CCDC63: variants seen among roughly 807,000 people sequenced by gnomAD.
CCDC63 encodes the protein coiled-coil domain-containing protein 63.
In CCDC63, 54 loss-of-function variants were observed where a neutral mutation model predicts 63.6. The observed-to-expected ratio is 0.85, with a 90% CI of 0.68 to 1.07. The LOEUF is 1.07. CCDC63 is among the 50% of genes least tolerant of loss of function. CCDC63 has a pLI of 0.00. For synonymous variants in CCDC63, 253 were observed against 266.1 expected, an observed-to-expected ratio of 0.95 and a Z score of 0.48; for missense variants, 637 against 689.6, an observed-to-expected ratio of 0.92 and a Z score of 0.86.
chr12:110,886,811 C>G (rs989936927), intron 8 of CCDC63, among the ~76,000 whole-genome samples: 17 of 152,104 alleles, frequency 1.1e-4, no homozygotes, highest in Non-Finnish European at 2.4e-4. Flanking sequence ...CTTGAAGGAC[C>G]CTCATGCCAC....
In CCDC63 at chr12:110,854,388, G is replaced by A. The variant is rs775051193; in HGVS notation, c.179+814G>A. Among the ~76,000 whole-genome samples the A allele has an allele frequency of 8.4e-5, 12 of 142,544 alleles. No individual in the cohort carries two copies. In the East Asian group the frequency reaches 1.3e-3, roughly 16 times the overall value. 93.5% of individuals were successfully genotyped at this position (142,544 alleles called of 152,430 possible). ...CAGCTCACTGCAACCTCCGCCTCCC[G>A]GGTTCAGGTGATTCTCCTGCCTCAG... On this transcript the variant is annotated intron_variant, in intron 3 of 11. Coordinates refer to ENST00000308208, the MANE Select transcript of CCDC63 (RefSeq NM_152591.3).
chr12:110,898,203 G>A (rs1278353701), intron 9 of CCDC63, among the ~76,000 whole-genome samples: 1 of 151,622 alleles, frequency 6.6e-6, no homozygotes, highest in Admixed American at 6.6e-5. Flanking sequence ...GATAGCTTGA[G>A]TGCAGGAAGT....
chr12:110,883,029 A>G (rs1248298772), intron 7 of CCDC63, among the ~76,000 whole-genome samples: 1 of 142,724 alleles, frequency 7.0e-6, no homozygotes, highest in African/African-American at 2.7e-5. Context: ...CACTTGGCTA[A>G]TTTTAAATTT....
intron 8 of CCDC63, 38 bp from the exon 9 acceptor site, chr12:110,893,038 G>A (rs2071376492): frequency 6.4e-7 from 1 of 1,561,692 alleles, no homozygotes; most frequent in Non-Finnish European, 8.8e-7. Flanking sequence ...GGAGGGAAGA[G>A]CCCACTTTTC....
rs534705588 is a variant in CCDC63 at position 110,850,336 on chromosome 12, G to A, written c.-96-2523G>A. 2.7e-4 allele frequency among the ~76,000 whole-genome samples: 41 copies of A among 152,348 alleles called. 1 individual carries two copies. The highest frequency in any genetic ancestry group is 7.0e-4 in the African/African-American group (29 of 41,578). Reference sequence around the variant, plus strand: ...CTGGATCTGAGAGGAGCAGGGAGGCGAAGCCCTGGTTGGGCAGCTAACTCA... The same window carrying A: ...CTGGATCTGAGAGGAGCAGGGAGGCAAAGCCCTGGTTGGGCAGCTAACTCA... On this transcript the variant is annotated intron_variant, in intron 1 of 11. Transcript: ENST00000308208.
intron 4 of CCDC63, among the ~76,000 whole-genome samples, chr12:110,867,158 G>A (rs1416470897): frequency 2.3e-4 from 33 of 140,892 alleles, no homozygotes; most frequent in African/African-American, 8.5e-4. Context: ...GGAGGGGGCG[G>A]CTGGCCGGGC....
Position 110,904,745 on chromosome 12 carries a change from C to G in CCDC63, c.1500C>G (p.Ile500Met). The G allele has an allele frequency of 6.2e-7, 1 of 1,613,828 alleles. No homozygotes were observed. The highest frequency in any genetic ancestry group is 1.7e-5 in the Admixed American group (1 of 59,988). Residue 500 changes from isoleucine (I) to methionine (M), a missense_variant, in exon 11 of 12, where the codon ATC (isoleucine) becomes ATG (methionine). Transcript: ENST00000308208. ...AGCCCCCAGAACCCATCAAAGTCAT[C>G]CCCCCAGTGCTGGGGGCTGACCCCT... The part of the protein sequence containing the change: ...LLKPPEPIKV[I>M]PPVLGADPFS...
intron 1 of CCDC63, among the ~76,000 whole-genome samples, chr12:110,849,966 T>C (rs769873963): frequency 4.6e-5 from 7 of 152,146 alleles, no homozygotes; most frequent in Non-Finnish European, 1.0e-4. Flanking sequence ...CTGGGCACAT[T>C]GAAGGGGTAC....
intron 5 of CCDC63, among the ~76,000 whole-genome samples, chr12:110,878,089 G>T (rs976981104): frequency 6.6e-6 from 1 of 152,048 alleles, no homozygotes; most frequent in Non-Finnish European, 1.5e-5. Context: ...TTCACTTAGC[G>T]TAATGTCCTC....
At chr12:110,904,513 G>T in intron 10 of CCDC63, 75 bp from the exon 11 acceptor site, 3 of 1,299,144 alleles carry the variant, frequency 2.3e-6, no homozygotes, top group Non-Finnish European at 2.2e-6. Context: ...GCCCTCTGCA[G>T]TGGTGGCACC....
At chr12:110,879,867 AGAAATGAGACC>A in intron 5 of CCDC63, 28 bp from the exon 6 acceptor site, 1 of 1,602,420 alleles carries the variant, frequency 6.2e-7, no homozygotes, top group Non-Finnish European at 8.5e-7. Context: ...CTTACAAAAC[AGAAATGAGACC>A]TGTTTTGAAG....
chr12:110,867,859 G>A (rs2070993632), intron 4 of CCDC63, among the ~76,000 whole-genome samples: 1 of 151,812 alleles, frequency 6.6e-6, no homozygotes. Flanking sequence ...CCCGGACGGG[G>A]TGGCTGCCAG....
intron 11 of CCDC63, 102 bp downstream of exon 11, chr12:110,904,893 A>C (rs1024679692): frequency 1.1e-6 from 1 of 903,224 alleles, no homozygotes; most frequent in Non-Finnish European, 1.6e-6. Context: ...GCAGTGTTGA[A>C]CCTCGGTTTC....
intron 7 of CCDC63, among the ~76,000 whole-genome samples, chr12:110,882,046 T>G (rs2071215676): frequency 6.6e-6 from 1 of 152,200 alleles, no homozygotes; most frequent in Non-Finnish European, 1.5e-5. Flanking sequence ...GACTCAGCAC[T>G]GAGGCACATT....
chr12:110,898,821 C>G (rs2071447550), intron 9 of CCDC63, 112 bp from the exon 10 acceptor site: 1 of 610,732 alleles, frequency 1.6e-6, no homozygotes, highest in African/African-American at 1.9e-5. Flanking sequence ...GATCTCGTGT[C>G]CCCTCAGAGG....
chr12:110,890,776 T>C (rs1292095016), intron 8 of CCDC63, among the ~76,000 whole-genome samples: 1 of 143,330 alleles, frequency 7.0e-6, no homozygotes, highest in Non-Finnish European at 1.5e-5. Context: ...TCCTTTTCTT[T>C]TTTTTTTTTT....
chr12:110,867,217 CGGGGGG>C, intron 4 of CCDC63, among the ~76,000 whole-genome samples: 2 of 127,694 alleles, frequency 1.6e-5, no homozygotes, highest in African/African-American at 5.9e-5. Flanking sequence ...GCTGGCCGGG[CGGGGGG>C]CCGACCCCCC....
At chr12:110,868,736 A>G (rs1314397568) in intron 4 of CCDC63, among the ~76,000 whole-genome samples, 1,055 of 30,848 alleles carry the variant, frequency 0.034, 5 homozygotes, top group East Asian at 0.065. Flanking sequence ...AGAGGGAGGG[A>G]GAGGGAGAGG....
chr12:110,904,775 C>T lies in CCDC63; in HGVS notation c.1530C>T (p.Ser510=), dbSNP rs148758697. 29 of 1,609,050 alleles carry T rather than the reference C, an allele frequency of 1.8e-5. 1 individual carries two copies. Among genetic ancestry groups the T allele is most frequent in the South Asian group, 8.8e-5 (8 of 90,492 alleles). The change falls in exon 11 of 12, where the codon AGC becomes AGT. Residue 510 remains serine (S), a synonymous_variant. Transcript: ENST00000308208. The part of the protein sequence containing the change: ...IPPVLGADPF[S]DRLDDVEQPL... ...CAGTGCTGGGGGCTGACCCCTTCAG[C>T]GACAGGTTGGATGATGGTGAGTTCT...
Sources: allele counts gnomAD v4.1 joint callset (sites outside exome capture counted in the v4.1 genomes callset), GRCh38; gene constraint gnomAD v4.1.1; transcripts MANE v1.5; gene names NCBI Gene and HGNC (gene_info 2026-07-23, HGNC 2026-07-21).